Variants in PNO1 observed in about 807,000 individuals in gnomAD.
PNO1 encodes the protein RNA-binding protein PNO1.
A neutral mutation model predicts 28.4 loss-of-function variants in PNO1; 16 were observed. That is an observed-to-expected ratio of 0.56 (90% confidence interval 0.38 to 0.85). PNO1 has a LOEUF of 0.85. Among genes scored for constraint, PNO1 ranks in the 40% least tolerant of loss-of-function variants. The pLI is 0.00. For missense variants in PNO1, 304 were observed against 312.2 expected, an observed-to-expected ratio of 0.97 and a Z score of 0.20; for synonymous variants, 115 against 110.8, an observed-to-expected ratio of 1.04 and a Z score of -0.24.
Position 68,161,731 on chromosome 2 carries a change from T to G in PNO1, c.406T>G (p.Phe136Val), listed in dbSNP as rs747248385. Residue 136 changes from phenylalanine to valine, a missense_variant, in exon 3 of 7, where the codon TTT (phenylalanine) becomes GTT (valine). Transcript: ENST00000263657. ...TAGTGCTCTGACAAAAGCAGCTGAT[T>G]TTGTGAAAGCTTTTATTCTCGGCTT... ...DVSALTKAADFVKAFILGFQV... is the reference protein window; with the variant it reads ...DVSALTKAADVVKAFILGFQV... 12 of 1,613,274 alleles carry G rather than the reference T, an allele frequency of 7.4e-6. No individual in the cohort carries two copies. In the East Asian group the frequency reaches 2.7e-4, roughly 36 times the overall value.
At chr2:68,166,986 C>T (rs1674011547) in intron 5 of PNO1, among the ~76,000 whole-genome samples, 1 of 152,184 alleles carries the variant, frequency 6.6e-6, no homozygotes, top group East Asian at 1.9e-4. Context: ...TTGTTTGGCT[C>T]TGTCGTAAAT....
At chr2:68,160,565 A>C (rs1481840148) in intron 2 of PNO1, among the ~76,000 whole-genome samples, 1 of 152,160 alleles carries the variant, frequency 6.6e-6, no homozygotes, top group Non-Finnish European at 1.5e-5. Context: ...TTTGGATTCC[A>C]CTAACATTTG....
At chr2:68,168,572 AT>A (rs1313263819) in intron 5 of PNO1, among the ~76,000 whole-genome samples, 2 of 152,210 alleles carry the variant, frequency 1.3e-5, no homozygotes, top group South Asian at 4.1e-4. Flanking sequence ...AGAAAAAAAA[AT>A]ATCCTGTGGC....
At chr2:68,158,773 C>T (rs1424548027) in intron 2 of PNO1, among the ~76,000 whole-genome samples, 1 of 152,126 alleles carries the variant, frequency 6.6e-6, no homozygotes, top group African/African-American at 2.4e-5. Context: ...TTCTGTGTAT[C>T]TTTTATAATG....
Position 68,174,795 on chromosome 2 carries a change from GA to G in PNO1, c.753del (p.Phe252SerfsTer16). On this transcript the variant is annotated frameshift_variant, in exon 7 of 7. Coordinates refer to ENST00000263657, the MANE Select transcript of PNO1 (RefSeq NM_020143.4). LOFTEE classifies it high-confidence loss of function. ...IRAVASRSADRF is the reference protein window; with the variant it reads ...IRAVASRSADXF ...GCTGTGGCTAGCAGATCAGCAGATC[GA>G]TTCTGATTTCAAGTCAGAGACTTTT... 1 of 1,601,236 alleles carries G rather than the reference GA, an allele frequency of 6.2e-7. No individual in the cohort carries two copies. Among genetic ancestry groups the G allele is most frequent in the Non-Finnish European group, 8.6e-7 (1 of 1,169,080 alleles).
chr2:68,168,032 A>G (rs1220844954), intron 5 of PNO1, among the ~76,000 whole-genome samples: 3 of 152,334 alleles, frequency 2.0e-5, no homozygotes, highest in East Asian at 3.9e-4. Flanking sequence ...TTTATTTCTT[A>G]GAAAGGGTTG....
rs545330635 is a variant in PNO1, at chr2:68,162,243, G to A, written c.442-22G>A. 46 of 1,585,624 alleles carry A rather than the reference G, an allele frequency of 2.9e-5. No homozygotes were observed. The East Asian group carries it at 3.1e-4, about 11-fold the overall frequency. On this transcript the variant is annotated intron_variant, in intron 3 of 6. Transcript: ENST00000263657. ...GGTGTGCAAATGGAAGGGGCTTCAC[G>A]GTGTTTGTTTTTATATTATAGGATG... is the stretch of plus-strand genomic sequence containing the variant.
intron 4 of PNO1, 46 bp from the exon 5 acceptor site, chr2:68,162,500 T>A: frequency 7.7e-7 from 1 of 1,302,158 alleles, no homozygotes; most frequent in Non-Finnish European, 1.1e-6. Flanking sequence ...GAATGGGTGG[T>A]ACACTAGAAT....
At chr2:68,158,651 AT>A in intron 2 of PNO1, 122 bp downstream of exon 2, 2 of 811,872 alleles carry the variant, frequency 2.5e-6, no homozygotes, top group Non-Finnish European at 1.8e-6. Flanking sequence ...CAGTTTAAAA[AT>A]TTACCATATT....
intron 5 of PNO1, among the ~76,000 whole-genome samples, chr2:68,171,902 T>C (rs1416973913): frequency 3.3e-5 from 5 of 151,134 alleles, no homozygotes; most frequent in Non-Finnish European, 7.4e-5. Context: ...GGGGTAGGGG[T>C]GAAGGATTAT....
chr2:68,164,010 T>C (rs915686045), intron 5 of PNO1, among the ~76,000 whole-genome samples: 43 of 152,358 alleles, frequency 2.8e-4, no homozygotes, highest in African/African-American at 1.0e-3. Flanking sequence ...CTTCATTATA[T>C]AGAACCTAAA....
chr2:68,158,014 C>A lies in PNO1; in HGVS notation c.80C>A (p.Ala27Glu), dbSNP rs747506073. ...GTCACCCGCAAGGGTGGCCGACGGG[C>A]GAAGAAACGACAGGCTGAACAGCTG... ...TQVTRKGGRR[A>E]KKRQAEQLSA... The change falls in exon 1 of 7, where the codon GCG (alanine) becomes GAG (glutamate). Residue 27 changes from alanine (A) to glutamate (E), a missense_variant. By Grantham distance (107) the Ala-to-Glu change is moderately radical. Transcript: ENST00000263657. 6.2e-7 allele frequency: 1 copy of A among 1,614,158 alleles called. No homozygotes were observed. Among genetic ancestry groups the A allele is most frequent in the South Asian group, 1.1e-5 (1 of 91,088 alleles).
intron 2 of PNO1, chr2:68,161,072 G>A (rs1673816581): frequency 2.6e-6 from 1 of 382,020 alleles, no homozygotes; most frequent in Non-Finnish European, 5.4e-6. Flanking sequence ...GAAGGTTAGA[G>A]TTATGGTGTG....
At chr2:68,162,175 G>T in intron 3 of PNO1, 90 bp from the exon 4 acceptor site, 2 of 937,134 alleles carry the variant, frequency 2.1e-6, no homozygotes, top group Non-Finnish European at 3.3e-6. Context: ...TCTAGAGTTT[G>T]TGGATTTTAG....
At chr2:68,170,705 G>A (rs374879298) in intron 5 of PNO1, among the ~76,000 whole-genome samples, 14 of 123,120 alleles carry the variant, frequency 1.1e-4, no homozygotes, top group Non-Finnish European at 1.2e-4. Flanking sequence ...CCGAGATTGC[G>A]CCACTGCACT....
At chr2:68,167,663 A>C (rs1326355933) in intron 5 of PNO1, among the ~76,000 whole-genome samples, 1 of 151,232 alleles carries the variant, frequency 6.6e-6, no homozygotes, top group African/African-American at 2.5e-5. Context: ...TCATCTGCAC[A>C]AAAAACCTGT....
intron 5 of PNO1, among the ~76,000 whole-genome samples, chr2:68,168,250 C>T (rs1424469998): frequency 2.0e-5 from 3 of 152,184 alleles, no homozygotes; most frequent in African/African-American, 4.8e-5. Flanking sequence ...AACCCCTGGT[C>T]GCTTTGGGGT....
At chr2:68,174,694 G>T in intron 6 of PNO1, 41 bp from the exon 7 acceptor site, 1 of 1,385,990 alleles carries the variant, frequency 7.2e-7, no homozygotes, top group Non-Finnish European at 1.0e-6. Context: ...CGCTATAAAT[G>T]TGAGTTTATT....
At chr2:68,163,518 G>A (rs1265336753) in intron 5 of PNO1, among the ~76,000 whole-genome samples, 1 of 151,744 alleles carries the variant, frequency 6.6e-6, no homozygotes, top group African/African-American at 2.4e-5. Context: ...GCGACAGAGT[G>A]AGACTCTGTC....
Sources: allele counts gnomAD v4.1 joint callset (sites outside exome capture counted in the v4.1 genomes callset), GRCh38; gene constraint gnomAD v4.1.1; transcripts MANE v1.5; gene names NCBI Gene and HGNC (gene_info 2026-07-23, HGNC 2026-07-21).